MROH9: variants seen among roughly 807,000 people sequenced by gnomAD.
MROH9 encodes the protein maestro heat-like repeat-containing protein family member 9.
MROH9 carries 92 observed loss-of-function variants against 98.2 expected under a neutral mutation model. That is an observed-to-expected ratio of 0.94 (90% CI 0.79 to 1.11). The LOEUF is 1.11. MROH9 is among the 50% of genes most tolerant of loss of function. The probability of loss-of-function intolerance (pLI) is 0.00; values close to 1 mark genes in which losing one functional copy is unlikely to be tolerated. For missense variants in MROH9, 1,057 were observed against 1,014.8 expected, an observed-to-expected ratio of 1.04 and a Z score of -0.57; for synonymous variants, 397 against 368.9, an observed-to-expected ratio of 1.08 and a Z score of -0.87.
intron 20 of MROH9, among the ~76,000 whole-genome samples, chr1:171,031,717 C>A (rs1652920221): frequency 6.6e-6 from 1 of 152,082 alleles, no homozygotes; most frequent in African/African-American, 2.4e-5. Flanking sequence ...ACAATTTTTC[C>A]TTCATTTCAA....
rs1373188554 is a variant in MROH9, at chr1:170,989,878, T to A, written c.903T>A (p.Ile301=). 2.5e-6 allele frequency: 4 copies of A among 1,608,364 alleles called. No homozygotes were observed. The highest frequency in any genetic ancestry group is 3.4e-6 in the Non-Finnish European group (4 of 1,175,702). Residue 301 remains isoleucine, a synonymous_variant, in exon 11 of 22, where the codon ATT becomes ATA. Transcript: ENST00000367759. ...VTMVSKIVDA[I]YRQLCDNNCM... is the part of the protein sequence containing the mutation. ...AGGTGTCTAAGATCGTGGATGCTAT[T>A]TACAGGCAACTGTGTGATAACAATT...
chr1:171,061,587 T>C lies in MROH9; in HGVS notation c.2282-545T>C, dbSNP rs535571348. Among the ~76,000 whole-genome samples the C allele has an allele frequency of 1.3e-4, 20 of 152,304 alleles. No homozygotes were observed. The Middle Eastern group carries it at 0.01, about 78-fold the overall frequency. On this transcript the variant is annotated intron_variant, in intron 20 of 21. Coordinates refer to ENST00000367759, the MANE Select transcript of MROH9 (RefSeq NM_001163629.2). ...AATATTTTAGACTTTGAGTACCATATAGTCTCTGTTGCAACTCTGCTGTGG... is the reference window on the plus strand; with the variant it reads ...AATATTTTAGACTTTGAGTACCATACAGTCTCTGTTGCAACTCTGCTGTGG...
At chr1:171,006,534 T>C (rs1157304711) in intron 15 of MROH9, among the ~76,000 whole-genome samples, 1 of 152,070 alleles carries the variant, frequency 6.6e-6, no homozygotes, top group Admixed American at 6.6e-5. Flanking sequence ...CTGGAACTCC[T>C]ATAGGAGAGA....
chr1:170,958,573 T>A (rs1320255859), intron 4 of MROH9, 33 bp downstream of exon 4: 8 of 1,338,590 alleles, frequency 6.0e-6, no homozygotes, highest in Non-Finnish European at 6.2e-6. Context: ...TTTATTTCAC[T>A]AATTGGATGC....
chr1:171,061,755 T>C (rs1654023045), intron 20 of MROH9, among the ~76,000 whole-genome samples: 1 of 152,152 alleles, frequency 6.6e-6, no homozygotes, highest in Non-Finnish European at 1.5e-5. Context: ...GGTTGAATCT[T>C]AAAAGGTAAT....
At chr1:171,014,382 G>T in intron 16 of MROH9, 128 bp downstream of exon 16, 5 of 804,914 alleles carry the variant, frequency 6.2e-6, no homozygotes, top group Non-Finnish European at 9.1e-6. Flanking sequence ...ACATATCAAA[G>T]CCTGCTGTTT....
chr1:171,046,128 G>A (rs935113571), intron 20 of MROH9, among the ~76,000 whole-genome samples: 17 of 151,526 alleles, frequency 1.1e-4, no homozygotes, highest in East Asian at 9.7e-4. Flanking sequence ...TGATTTTTTC[G>A]TTTCCATGGG....
intron 2 of MROH9, among the ~76,000 whole-genome samples, chr1:170,945,957 A>G (rs1323796590): frequency 3.9e-5 from 6 of 152,090 alleles, no homozygotes; most frequent in African/African-American, 1.2e-4. Context: ...ATAATACTAC[A>G]TATCAAACCC....
At chr1:171,045,904 G>C (rs1378521542) in intron 20 of MROH9, among the ~76,000 whole-genome samples, 1 of 152,078 alleles carries the variant, frequency 6.6e-6, no homozygotes, top group Non-Finnish European at 1.5e-5. Flanking sequence ...GAAGTCTCCA[G>C]TTATTATTAT....
chr1:171,043,302 T>C (rs1316236677), intron 20 of MROH9, among the ~76,000 whole-genome samples: 1 of 152,170 alleles, frequency 6.6e-6, no homozygotes, highest in Non-Finnish European at 1.5e-5. Flanking sequence ...TGTGGATTTC[T>C]TTCTGGGTTC....
At chr1:170,965,600 T>C (rs11484774) in intron 7 of MROH9, among the ~76,000 whole-genome samples, 13,360 of 152,128 alleles carry the variant, frequency 0.088, 1,852 homozygotes, top group African/African-American at 0.3. Context: ...CTTCCTAAAA[T>C]AATTTGAAAG....
intron 20 of MROH9, among the ~76,000 whole-genome samples, chr1:171,040,633 C>T (rs577682140): frequency 6.6e-6 from 1 of 152,076 alleles, no homozygotes; most frequent in South Asian, 2.1e-4. Context: ...AGCCATGTGA[C>T]CTTTACCAAG....
chr1:171,019,545 G>A (rs1300080226), intron 17 of MROH9, among the ~76,000 whole-genome samples: 3 of 151,918 alleles, frequency 2.0e-5, no homozygotes, highest in Non-Finnish European at 2.9e-5. Context: ...CCAGCTACTC[G>A]GAAGGCTGAG....
intron 3 of MROH9, among the ~76,000 whole-genome samples, chr1:170,954,358 C>T (rs143371208): frequency 6.6e-6 from 1 of 152,044 alleles, no homozygotes; most frequent in Non-Finnish European, 1.5e-5. Context: ...AATTTTGGCA[C>T]TCTTCAATAT....
chr1:171,021,313 G>A (rs914266704), intron 17 of MROH9, among the ~76,000 whole-genome samples: 5 of 152,050 alleles, frequency 3.3e-5, no homozygotes, highest in African/African-American at 1.2e-4. Context: ...ACAATCCTAA[G>A]CACAAAGAAC....
chr1:170,990,338 G>A (rs1651309339), intron 11 of MROH9, among the ~76,000 whole-genome samples: 1 of 152,142 alleles, frequency 6.6e-6, no homozygotes, highest in African/African-American at 2.4e-5. Flanking sequence ...ATTCCCGTTT[G>A]TGAATTTACT....
At chr1:170,957,970 G>T (rs879932512) in intron 3 of MROH9, among the ~76,000 whole-genome samples, 2 of 152,026 alleles carry the variant, frequency 1.3e-5, no homozygotes, top group Non-Finnish European at 2.9e-5. Flanking sequence ...TACCACGCCC[G>T]GCTAATTTTT....
At position 170,996,618 on chromosome 1, in the gene MROH9, C is replaced by T; in HGVS notation, c.1449C>T (p.Tyr483=). The part of the protein sequence containing the change: ...FWDQLSEDLC[Y]YHGVCFIAKT... ...ACCAGTTATCTGAAGATCTGTGTTA[C>T]TATCATGGAGTCTGCTTTATTGCTA... Residue 483 remains tyrosine (Y), a synonymous_variant, in exon 14 of 22, where the codon TAC becomes TAT. Transcript: ENST00000367759. 1 of 1,613,510 alleles carries T rather than the reference C, an allele frequency of 6.2e-7. No individual in the cohort carries two copies. Among genetic ancestry groups the T allele is most frequent in the East Asian group, 2.2e-5 (1 of 44,852 alleles).
intron 15 of MROH9, among the ~76,000 whole-genome samples, chr1:171,005,179 C>T (rs1017022325): frequency 1.3e-5 from 2 of 152,122 alleles, no homozygotes; most frequent in African/African-American, 4.8e-5. Context: ...ATTCTTCCAC[C>T]TTAGCCTCCA....
Sources: allele counts gnomAD v4.1 joint callset (sites outside exome capture counted in the v4.1 genomes callset), GRCh38; gene constraint gnomAD v4.1.1; transcripts MANE v1.5; gene names NCBI Gene and HGNC (gene_info 2026-07-23, HGNC 2026-07-21).